Variants in PCDHA9 observed in about 807,000 individuals in gnomAD.
The protein encoded by PCDHA9 is protocadherin alpha-9.
In PCDHA9, 62 loss-of-function variants were observed where a neutral mutation model predicts 62.0. That is an observed-to-expected ratio of 1.00 (90% confidence interval 0.81 to 1.23). PCDHA9 has a LOEUF of 1.23. Ranked by LOEUF, PCDHA9 falls within the 50% of genes most tolerant of loss-of-function variation. The probability of loss-of-function intolerance (pLI) is 0.00; values close to 1 mark genes in which losing one functional copy is unlikely to be tolerated. For synonymous variants in PCDHA9, 557 were observed against 567.6 expected (o/e 0.98, Z 0.27); for missense variants, 1,205 against 1,249.8 (o/e 0.96, Z 0.54).
In PCDHA9 at chr5:140,982,474, G is replaced by C. The variant is rs2096985354; in HGVS notation, c.2454-1G>C. On this transcript the variant is annotated splice_acceptor_variant, in intron 2 of 3. Coordinates refer to ENST00000532602, the MANE Select transcript of PCDHA9 (RefSeq NM_031857.2). LOFTEE classifies it high-confidence loss of function. ...TTATCTGGGTCTGTGTGTTTATTCA[G>C]CTCTGTGCACCTAGAGGAGGCTGGC... 3 of 1,614,164 alleles carry C rather than the reference G, an allele frequency of 1.9e-6. No individual in the cohort carries two copies. The highest frequency in any genetic ancestry group is 2.5e-6 in the Non-Finnish European group (3 of 1,180,024).
intron 1 of PCDHA9, chr5:140,930,126 C>T (rs1286889846): frequency 6.6e-6 from 1 of 152,108 alleles, no homozygotes; most frequent in Non-Finnish European, 1.5e-5. Flanking sequence ...GGATATAGGA[C>T]TTGACAACCT....
chr5:140,878,313 AT>A (rs2057535405), intron 1 of PCDHA9, among the ~76,000 whole-genome samples: 1 of 152,186 alleles, frequency 6.6e-6, no homozygotes, highest in Non-Finnish European at 1.5e-5. Flanking sequence ...CAATCTAGAC[AT>A]TTTCACATTA....
intron 1 of PCDHA9, chr5:140,877,744 G>A (rs200651425): frequency 6.2e-7 from 1 of 1,614,080 alleles, no homozygotes; most frequent in African/African-American, 1.3e-5. Flanking sequence ...GAGGCAGAGG[G>A]TGTGCTCTGC....
chr5:140,876,154 A>C, intron 1 of PCDHA9: 2 of 1,613,972 alleles, frequency 1.2e-6, no homozygotes, highest in Non-Finnish European at 1.7e-6. Flanking sequence ...GTCTGTCCAG[A>C]TTCAAATAAC....
chr5:140,989,686 C>T (rs534780216), intron 3 of PCDHA9, among the ~76,000 whole-genome samples: 2 of 152,254 alleles, frequency 1.3e-5, no homozygotes, highest in African/African-American at 4.8e-5. Flanking sequence ...TTCAAAGGAA[C>T]GTGAAAATTT....
chr5:140,886,328 C>T (rs1554182483), intron 1 of PCDHA9, among the ~76,000 whole-genome samples: 1 of 151,922 alleles, frequency 6.6e-6, no homozygotes, highest in African/African-American at 2.4e-5. Context: ...TTCTGGGATA[C>T]ATGTGCAGAA....
intron 1 of PCDHA9, among the ~76,000 whole-genome samples, chr5:140,964,979 G>A (rs1325298604): frequency 1.3e-5 from 2 of 152,204 alleles, no homozygotes; most frequent in African/African-American, 4.8e-5. Flanking sequence ...GGATGTGCTA[G>A]TTCAGGCCTT....
Position 141,009,798 on chromosome 5 carries a change from A to G in PCDHA9, c.2714A>G (p.Asn905Ser). Residue 905 changes from asparagine (N) to serine (S), a missense_variant, in exon 4 of 4, where the codon AAC (asparagine) becomes AGC (serine). Physicochemically the swap from Asn to Ser is conservative, Grantham distance 46. Transcript: ENST00000532602. ...AIISIRQEPT[N>S]SQIDKSDFIT... The stretch of plus-strand genomic sequence containing the variant: ...ATCTCCATCCGGCAGGAGCCTACTA[A>G]CAGCCAAATTGACAAAAGTGACTTC... 2 of 1,614,116 alleles carry G rather than the reference A, an allele frequency of 1.2e-6. No homozygotes were observed. Among genetic ancestry groups the G allele is most frequent in the Non-Finnish European group, 1.7e-6 (2 of 1,180,014 alleles).
intron 1 of PCDHA9, among the ~76,000 whole-genome samples, chr5:140,941,191 T>TTTTTC (rs1554213809): frequency 1.8e-4 from 17 of 93,256 alleles, no homozygotes; most frequent in Middle Eastern, 5.1e-3. Context: ...GCTTCTTTTT[T>TTTTTC]TTTCTTTCTT....
At chr5:140,970,332 G>A (rs1236073527) in intron 1 of PCDHA9, among the ~76,000 whole-genome samples, 12 of 152,138 alleles carry the variant, frequency 7.9e-5, no homozygotes, top group Admixed American at 2.6e-4. Flanking sequence ...TCCAAAGCAT[G>A]CATTCATTTT....
intron 1 of PCDHA9, chr5:140,869,893 C>T (rs375422597): frequency 6.2e-7 from 1 of 1,610,510 alleles, no homozygotes; most frequent in Admixed American, 1.7e-5. Flanking sequence ...TGTGCTCAAA[C>T]TAAACGCCAC....
chr5:140,851,635 T>C (rs2042114429), intron 1 of PCDHA9: 8 of 917,242 alleles, frequency 8.7e-6, no homozygotes, highest in Non-Finnish European at 1.1e-5. Flanking sequence ...AACAAGTGTT[T>C]CCTTTCTTCA....
chr5:140,886,931 G>C (rs1426144437), intron 1 of PCDHA9, among the ~76,000 whole-genome samples: 1 of 151,756 alleles, frequency 6.6e-6, no homozygotes, highest in South Asian at 2.1e-4. Flanking sequence ...CTATGTGCCA[G>C]GCATGTTCTA....
At chr5:140,929,103 G>C (rs1424047708) in intron 1 of PCDHA9, 1 of 1,614,062 alleles carries the variant, frequency 6.2e-7, no homozygotes, top group East Asian at 2.2e-5. Flanking sequence ...ATCCTTGCAT[G>C]ACATCAGCCA....
chr5:141,000,422 T>TATATA (rs1491457105), intron 3 of PCDHA9, among the ~76,000 whole-genome samples: 1 of 51,852 alleles, frequency 1.9e-5, no homozygotes, highest in Non-Finnish European at 3.5e-5. Flanking sequence ...TATATATATA[T>TATATA]TTTTTTTTTT....
At chr5:140,910,137 T>A (rs2074898699) in intron 1 of PCDHA9, among the ~76,000 whole-genome samples, 1 of 152,232 alleles carries the variant, frequency 6.6e-6, no homozygotes, top group Non-Finnish European at 1.5e-5. Flanking sequence ...CTGGTTTAAG[T>A]CTGGAAATTG....
chr5:140,917,817 T>C (rs2078372214), intron 1 of PCDHA9, among the ~76,000 whole-genome samples: 1 of 152,162 alleles, frequency 6.6e-6, no homozygotes, highest in Non-Finnish European at 1.5e-5. Flanking sequence ...TAGTTGAAGT[T>C]GGGTAGTGTG....
Position 140,967,363 on chromosome 5 carries a change from C to T in PCDHA9, c.2395-11586C>T, listed in dbSNP as rs539138806. On this transcript the variant is annotated intron_variant, in intron 1 of 3. Coordinates refer to ENST00000532602, the MANE Select transcript of PCDHA9 (RefSeq NM_031857.2). ...AGCACTTCGAGCTGGACCTTAAGCCCCTGCAGGAGAACAGTAAAGTGCTTG... is the reference window on the plus strand; with the variant it reads ...AGCACTTCGAGCTGGACCTTAAGCCTCTGCAGGAGAACAGTAAAGTGCTTG... The T allele has an allele frequency of 1.6e-5, 26 of 1,607,546 alleles. No homozygotes were observed. The South Asian group carries it at 2.9e-4, about 18-fold the overall frequency.
At position 140,887,760 on chromosome 5, in the gene PCDHA9, A is replaced by AT. The variant is rs1233050056; in HGVS notation, c.2394+36872dup. On this transcript the variant is annotated intron_variant, in intron 1 of 3. Coordinates refer to ENST00000532602, the MANE Select transcript of PCDHA9 (RefSeq NM_031857.2). Reference sequence around the variant, plus strand: ...CCTTTCTGAGACTCCAGTAACACATATGTTACAATGACACAGGTCATTGAA... The same window carrying AT: ...CCTTTCTGAGACTCCAGTAACACATATTGTTACAATGACACAGGTCATTGAA... Among the ~76,000 whole-genome samples, 21 of 152,264 alleles carry AT rather than the reference A, an allele frequency of 1.4e-4. No individual in the cohort carries two copies. In the East Asian group the frequency reaches 4.1e-3, roughly 29 times the overall value.
Sources: allele counts gnomAD v4.1 joint callset (sites outside exome capture counted in the v4.1 genomes callset), GRCh38; gene constraint gnomAD v4.1.1; transcripts MANE v1.5; gene names NCBI Gene and HGNC (gene_info 2026-07-23, HGNC 2026-07-21).